The following MECOM variants were observed in gnomAD, a reference collection of about 807,000 sequenced individuals.
The protein encoded by MECOM is MDS1 and EVI1 complex locus, also known as histone-lysine N-methyltransferase MECOM.
A neutral mutation model predicts 116.3 loss-of-function variants in MECOM; 13 were observed. That is an observed-to-expected ratio of 0.11 (90% confidence interval 0.07 to 0.18). The LOEUF is 0.18. Among genes scored for constraint, MECOM ranks in the 10% least tolerant of loss-of-function variants. The pLI is 1.00. For synonymous variants in MECOM, 528 were observed against 535.2 expected, an observed-to-expected ratio of 0.99 and a Z score of 0.19; for missense variants, 1,299 against 1,509.0, an observed-to-expected ratio of 0.86 and a Z score of 2.31.
At chr3:169,649,972 CCTT>C (rs1774683940) in intron 1 of MECOM, among the ~76,000 whole-genome samples, 1 of 152,144 alleles carries the variant, frequency 6.6e-6, no homozygotes, top group African/African-American at 2.4e-5. Context: ...ATTTTTGTAA[CCTT>C]CTGTGTAAAG....
intron 2 of MECOM, among the ~76,000 whole-genome samples, chr3:169,332,005 T>G (rs1244774286): frequency 7.3e-6 from 1 of 137,534 alleles, no homozygotes; most frequent in South Asian, 2.3e-4. Context: ...CTTTTTTATT[T>G]AAAAAAAAAA....
chr3:169,386,436 G>A (rs1733324360), intron 1 of MECOM, among the ~76,000 whole-genome samples: 1 of 152,022 alleles, frequency 6.6e-6, no homozygotes, highest in Non-Finnish European at 1.5e-5. Flanking sequence ...CTTGTTTTTC[G>A]ATCCTTAAAG....
At chr3:169,489,236 C>G (rs189247513) in intron 1 of MECOM, among the ~76,000 whole-genome samples, 4 of 152,178 alleles carry the variant, frequency 2.6e-5, no homozygotes, top group Middle Eastern at 3.4e-3. Flanking sequence ...TAGCTGATCT[C>G]CAAAATACAT....
At chr3:169,374,719 G>A (rs1730722396) in intron 2 of MECOM, among the ~76,000 whole-genome samples, 1 of 151,798 alleles carries the variant, frequency 6.6e-6, no homozygotes, top group African/African-American at 2.4e-5. Flanking sequence ...CAAAATTTAG[G>A]TAGTAATATA....
At chr3:169,436,065 T>G (rs1742575357) in intron 1 of MECOM, among the ~76,000 whole-genome samples, 1 of 152,124 alleles carries the variant, frequency 6.6e-6, no homozygotes, top group African/African-American at 2.4e-5. Context: ...CACAATATGT[T>G]GACATAAAAA....
rs765178415 is a variant in MECOM, at chr3:169,147,192, C to T, written c.376-3360G>A. The stretch of plus-strand genomic sequence containing the variant: ...CTGAAACCCACTAAAACTTCTACTT[C>T]TCCTTCCCAGTTCCAATGGGGGAAA... On this transcript the variant is annotated intron_variant, in intron 2 of 16. Transcript: ENST00000651503. 137 of 985,400 alleles carry T rather than the reference C, an allele frequency of 1.4e-4. 1 individual carries two copies. The highest frequency in any genetic ancestry group is 1.6e-4 in the Non-Finnish European group (136 of 830,044). 61.0% of individuals were successfully genotyped at this position (985,400 alleles called of 1,614,324 possible). A position where few individuals can be genotyped will look rare whatever the true frequency, so the allele number is the denominator to read the frequency against.
Position 169,084,779 on chromosome 3 carries a change from G to T in MECOM, c.*130C>A. The T allele has an allele frequency of 4.3e-6, 4 of 934,810 alleles. No individual in the cohort carries two copies. The highest frequency in any genetic ancestry group is 6.4e-6 in the Non-Finnish European group (4 of 620,156). The allele number at this position is 934,810 out of a possible 1,614,324, so 57.9% of individuals were successfully genotyped here. ...TCTTTTTTAAATCATTCAGTTTAAG[G>T]TCACTAGACTTTAGATGAGTGACCC... is the stretch of plus-strand genomic sequence containing the variant. On this transcript the variant is annotated 3_prime_UTR_variant, in exon 17 of 17. Transcript: ENST00000651503.
intron 11 of MECOM, among the ~76,000 whole-genome samples, chr3:169,101,697 C>A (rs1049025200): frequency 1.3e-5 from 2 of 152,018 alleles, no homozygotes; most frequent in Admixed American, 1.3e-4. Flanking sequence ...TGGCCTTATT[C>A]TTTAATGCCA....
intron 1 of MECOM, among the ~76,000 whole-genome samples, chr3:169,423,002 T>C (rs542279426): frequency 2.0e-5 from 3 of 152,120 alleles, no homozygotes; most frequent in African/African-American, 7.2e-5. Flanking sequence ...AATAACTAAA[T>C]TGGGGTCATG....
chr3:169,287,743 A>C (rs1286017634), intron 2 of MECOM, among the ~76,000 whole-genome samples: 3 of 152,180 alleles, frequency 2.0e-5, no homozygotes, highest in Non-Finnish European at 1.5e-5. Flanking sequence ...ATTGTCAATA[A>C]ATATGCTTTG....
At chr3:169,632,580 T>C (rs1247915419) in intron 1 of MECOM, among the ~76,000 whole-genome samples, 1 of 152,162 alleles carries the variant, frequency 6.6e-6, no homozygotes, top group Non-Finnish European at 1.5e-5. Context: ...CAAGACCACA[T>C]ACAAGAGGTG....
chr3:169,318,714 T>C (rs926524432), intron 2 of MECOM, among the ~76,000 whole-genome samples: 12 of 152,182 alleles, frequency 7.9e-5, no homozygotes, highest in African/African-American at 2.9e-4. Flanking sequence ...GTATGGCGAT[T>C]CCTCCAGGAT....
intron 1 of MECOM, among the ~76,000 whole-genome samples, chr3:169,477,221 T>C (rs746774822): frequency 9.4e-5 from 14 of 148,570 alleles, no homozygotes; most frequent in Non-Finnish European, 1.8e-4. Context: ...CCTAGTTAAA[T>C]GGCATTTCAA....
chr3:169,182,667 A>G (rs1351798285), intron 2 of MECOM, among the ~76,000 whole-genome samples: 5 of 152,220 alleles, frequency 3.3e-5, no homozygotes, highest in Non-Finnish European at 5.9e-5. Flanking sequence ...GATTTAGGAC[A>G]TGAATCAAAC....
chr3:169,222,484 A>T (rs556865612), intron 2 of MECOM, among the ~76,000 whole-genome samples: 1 of 152,298 alleles, frequency 6.6e-6, no homozygotes, highest in Admixed American at 6.5e-5. Context: ...TTACAGTGTC[A>T]TTAACTTTCC....
At chr3:169,352,142 C>T (rs1294975029) in intron 2 of MECOM, among the ~76,000 whole-genome samples, 1 of 151,708 alleles carries the variant, frequency 6.6e-6, no homozygotes, top group Non-Finnish European at 1.5e-5. Flanking sequence ...AAATCTGATA[C>T]GTTTTGTTTC....
chr3:169,098,940 C>A (rs748323340), intron 12 of MECOM, among the ~76,000 whole-genome samples: 2 of 152,122 alleles, frequency 1.3e-5, no homozygotes, highest in Non-Finnish European at 2.9e-5. Context: ...TTTGTCACAA[C>A]TATTAAACCA....
chr3:169,475,085 C>T (rs773755706), intron 1 of MECOM, among the ~76,000 whole-genome samples: 2 of 147,706 alleles, frequency 1.4e-5, no homozygotes, highest in Non-Finnish European at 3.0e-5. Context: ...TAACACAGCA[C>T]GTAAACAATC....
At chr3:169,620,414 T>G (rs1770567268) in intron 1 of MECOM, among the ~76,000 whole-genome samples, 1 of 152,254 alleles carries the variant, frequency 6.6e-6, no homozygotes, top group African/African-American at 2.4e-5. Context: ...GAAAATTCTT[T>G]GCCAAATGTT....
Sources: gnomAD v4.1 joint callset for allele counts (sites outside exome capture counted in the v4.1 genomes callset) on GRCh38, gnomAD v4.1.1 for gene constraint, MANE v1.5 for transcripts, NCBI Gene and HGNC (gene_info 2026-07-23, HGNC 2026-07-21) for gene names.